MDGA2: variants seen among roughly 807,000 people sequenced by gnomAD.
The protein encoded by MDGA2 is MAM domain-containing glycosylphosphatidylinositol anchor protein 2.
Under a neutral mutation model 117.8 loss-of-function variants are expected in MDGA2, and 40 were observed. The ratio of observed to expected loss-of-function variants is 0.34; its 90% confidence interval spans 0.26 to 0.44. The LOEUF (loss-of-function observed/expected upper bound fraction) is 0.44, where lower values mean the gene tolerates loss of function less well. Among genes scored for constraint, MDGA2 ranks in the 20% least tolerant of loss-of-function variants. The pLI is 1.00. For synonymous variants in MDGA2, 452 were observed against 439.0 expected, an observed-to-expected ratio of 1.03 and a Z score of -0.37; for missense variants, 1,123 against 1,250.6, an observed-to-expected ratio of 0.90 and a Z score of 1.54.
At chr14:47,271,424 T>C (rs1377844831) in intron 2 of MDGA2, among the ~76,000 whole-genome samples, 1 of 152,130 alleles carries the variant, frequency 6.6e-6, no homozygotes, top group Non-Finnish European at 1.5e-5. Flanking sequence ...AAAGTTGAAA[T>C]GTAAAAATCT....
chr14:46,949,471 C>T (rs78679701), intron 9 of MDGA2, among the ~76,000 whole-genome samples: 18,324 of 151,866 alleles, frequency 0.12, 2,106 homozygotes, highest in African/African-American at 0.28. Context: ...CATTGAAATG[C>T]TTACCAATGT....
intron 1 of MDGA2, among the ~76,000 whole-genome samples, chr14:47,356,593 A>T (rs1890998805): frequency 6.6e-6 from 1 of 152,126 alleles, no homozygotes; most frequent in African/African-American, 2.4e-5. Flanking sequence ...AAAGAAGGGG[A>T]TCCAAAATAC....
intron 1 of MDGA2, among the ~76,000 whole-genome samples, chr14:47,522,613 A>C (rs201452045): frequency 8.7e-5 from 1 of 11,454 alleles, no homozygotes; most frequent in Non-Finnish European, 2.1e-4. Flanking sequence ...TTTAACAGTT[A>C]TACAAGGAAT....
Position 47,674,660 on chromosome 14 carries a change from C to G in MDGA2, c.137G>C (p.Trp46Ser). The G allele has an allele frequency of 2.1e-6, 3 of 1,436,698 alleles. No homozygotes were observed. Among genetic ancestry groups the G allele is most frequent in the Non-Finnish European group, 2.9e-6 (3 of 1,043,178 alleles). The allele number at this position is 1,436,698 out of a possible 1,614,324, so 89.0% of individuals were successfully genotyped here. ...GACCTTCAGGAGGCCGGCGGCCAGC[C>G]AGGCGCGCTCCACTCGCGCCCGGGC... The part of the protein sequence containing the change: ...GLARARVERA[W>S]LAAGLLKVPL... Residue 46 changes from tryptophan to serine, a missense_variant, in exon 1 of 17, where the codon TGG becomes TCG. Physicochemically the swap from Trp to Ser is radical, Grantham distance 177. Coordinates refer to ENST00000399232, the MANE Select transcript of MDGA2 (RefSeq NM_001113498.3).
chr14:47,595,228 T>G, intron 1 of MDGA2, among the ~76,000 whole-genome samples: 1 of 147,240 alleles, frequency 6.8e-6, no homozygotes, highest in Non-Finnish European at 1.5e-5. Context: ...TGCAGATCTA[T>G]AGCATTAGAG....
intron 2 of MDGA2, among the ~76,000 whole-genome samples, chr14:47,226,158 G>A (rs1352821736): frequency 6.6e-6 from 1 of 151,260 alleles, no homozygotes; most frequent in African/African-American, 2.4e-5. Flanking sequence ...TTTCCTAGCT[G>A]CAGTGAGTTA....
At chr14:46,946,207 T>A (rs1037619268) in intron 9 of MDGA2, among the ~76,000 whole-genome samples, 1 of 152,104 alleles carries the variant, frequency 6.6e-6, no homozygotes, top group Admixed American at 6.6e-5. Context: ...GAATAAGTAT[T>A]CATTAGTAGT....
chr14:47,339,302 T>C (rs1890550987), intron 1 of MDGA2, among the ~76,000 whole-genome samples: 1 of 151,926 alleles, frequency 6.6e-6, no homozygotes, highest in South Asian at 2.1e-4. Context: ...AGAGATTTTA[T>C]TTTTCTCAAG....
At chr14:46,877,219 A>G (rs1882267345) in intron 12 of MDGA2, among the ~76,000 whole-genome samples, 1 of 151,686 alleles carries the variant, frequency 6.6e-6, no homozygotes, top group African/African-American at 2.4e-5. Flanking sequence ...CAGCTGCAGA[A>G]ATAGCAAATA....
At chr14:47,260,581 C>T (rs1887763761) in intron 2 of MDGA2, among the ~76,000 whole-genome samples, 1 of 151,922 alleles carries the variant, frequency 6.6e-6, no homozygotes, top group Non-Finnish European at 1.5e-5. Flanking sequence ...GAAAAAATTA[C>T]AAAGATAAGT....
At chr14:47,192,036 G>A (rs146231681) in intron 3 of MDGA2, among the ~76,000 whole-genome samples, 3 of 152,244 alleles carry the variant, frequency 2.0e-5, no homozygotes, top group Non-Finnish European at 2.9e-5. Context: ...TGAAGCCCCT[G>A]CATTTAAAAT....
chr14:47,234,262 CATATATGTAGATATATGTGAA>C (rs1408076513), intron 2 of MDGA2, among the ~76,000 whole-genome samples: 1 of 150,180 alleles, frequency 6.7e-6, no homozygotes, highest in African/African-American at 2.4e-5. Context: ...TATATAAATG[CATATATGTAGATATATGTGAA>C]ACCATAATCA....
At chr14:47,089,670 G>A (rs1279022337) in intron 6 of MDGA2, among the ~76,000 whole-genome samples, 1 of 151,974 alleles carries the variant, frequency 6.6e-6, no homozygotes, top group Non-Finnish European at 1.5e-5. Context: ...TGTTACATAT[G>A]TATAGCACAT....
intron 1 of MDGA2, among the ~76,000 whole-genome samples, chr14:47,561,160 T>TTTTTTTTTG (rs1895801278): frequency 1.1e-5 from 1 of 88,794 alleles, no homozygotes; most frequent in African/African-American, 4.0e-5. Flanking sequence ...TTTGTTTTGT[T>TTTTTTTTTG]TTGTTTTTTT....
At chr14:47,592,307 C>T (rs988752167) in intron 1 of MDGA2, among the ~76,000 whole-genome samples, 26 of 152,160 alleles carry the variant, frequency 1.7e-4, no homozygotes, top group African/African-American at 5.3e-4. Flanking sequence ...ATGAAAATGG[C>T]CATATTTCCC....
Position 47,171,750 on chromosome 14 carries a change from T to C in MDGA2, c.596-27476A>G, listed in dbSNP as rs1390672733. Among the ~76,000 whole-genome samples the C allele has an allele frequency of 3.3e-5, 5 of 152,274 alleles. No individual in the cohort carries two copies. The South Asian group carries it at 8.3e-4, about 25-fold the overall frequency. ...GATGGGAGATTTCTGCATTTCCATC[T>C]GAGGTATTGTGTTCATCTCACTAGG... is the stretch of plus-strand genomic sequence containing the variant. On this transcript the variant is annotated intron_variant, in intron 3 of 16. Coordinates refer to ENST00000399232, the MANE Select transcript of MDGA2 (RefSeq NM_001113498.3).
chr14:47,628,839 ACTG>A (rs1315787037), intron 1 of MDGA2, among the ~76,000 whole-genome samples: 1 of 152,212 alleles, frequency 6.6e-6, no homozygotes, highest in Non-Finnish European at 1.5e-5. Context: ...CTCGAAGGAA[ACTG>A]CTGCGTTTGA....
intron 2 of MDGA2, among the ~76,000 whole-genome samples, chr14:47,278,571 A>T (rs1165268280): frequency 2.0e-5 from 3 of 152,166 alleles, no homozygotes; most frequent in Non-Finnish European, 4.4e-5. Context: ...TCATCTAAAG[A>T]CCTGTGTTAA....
intron 5 of MDGA2, among the ~76,000 whole-genome samples, chr14:47,130,798 T>C (rs1488194142): frequency 6.6e-6 from 1 of 152,084 alleles, no homozygotes; most frequent in Non-Finnish European, 1.5e-5. Flanking sequence ...AAGCAGAGTC[T>C]AGACCCAGAC....
Sources: gnomAD v4.1 joint callset for allele counts (sites outside exome capture counted in the v4.1 genomes callset) on GRCh38, gnomAD v4.1.1 for gene constraint, MANE v1.5 for transcripts, NCBI Gene and HGNC (gene_info 2026-07-23, HGNC 2026-07-21) for gene names.